SPECC1: variants seen among roughly 807,000 people sequenced by gnomAD.
SPECC1 encodes the protein sperm antigen with calponin homology and coiled-coil domains 1, also known as cytospin-B.
Under a neutral mutation model 104.1 loss-of-function variants are expected in SPECC1, and 62 were observed. That is an observed-to-expected ratio of 0.60 (90% CI 0.49 to 0.74). The LOEUF is 0.74. Among genes scored for constraint, SPECC1 ranks in the 30% least tolerant of loss-of-function variants. SPECC1 has a pLI of 0.00. For synonymous variants in SPECC1, 513 were observed against 501.6 expected (o/e 1.02, Z -0.30); for missense variants, 1,306 against 1,310.5 (o/e 1.00, Z 0.05).
At chr17:20,174,482 G>A (rs189148629) in intron 3 of SPECC1, among the ~76,000 whole-genome samples, 5 of 152,172 alleles carry the variant, frequency 3.3e-5, no homozygotes, top group Admixed American at 2.0e-4. Flanking sequence ...GAGGGAAGCC[G>A]GTTGGGCAGA....
At chr17:20,293,440 C>T (rs907644586) in intron 12 of SPECC1, among the ~76,000 whole-genome samples, 1 of 152,166 alleles carries the variant, frequency 6.6e-6, no homozygotes, top group Non-Finnish European at 1.5e-5. Context: ...GATAGAAACA[C>T]CCTAAATGAC....
intron 3 of SPECC1, among the ~76,000 whole-genome samples, chr17:20,166,300 C>T (rs933477491): frequency 6.6e-6 from 1 of 152,102 alleles, no homozygotes; most frequent in African/African-American, 2.4e-5. Context: ...TTACACAAAC[C>T]ATTTTTTCAA....
chr17:20,250,029 A>G (rs1430895413), intron 9 of SPECC1, among the ~76,000 whole-genome samples: 2 of 152,154 alleles, frequency 1.3e-5, no homozygotes, highest in Non-Finnish European at 2.9e-5. Context: ...TGAAAGAGAA[A>G]GCATCCTAAA....
At chr17:20,281,114 C>G (rs1195036571) in intron 12 of SPECC1, among the ~76,000 whole-genome samples, 1 of 152,124 alleles carries the variant, frequency 6.6e-6, no homozygotes, top group Non-Finnish European at 1.5e-5. Flanking sequence ...CATGGCCGGT[C>G]GGTTCCTGGA....
At chr17:20,253,673 A>G in intron 10 of SPECC1, 87 bp downstream of exon 10, 1 of 1,261,034 alleles carries the variant, frequency 7.9e-7, no homozygotes, top group South Asian at 1.3e-5. Context: ...CTGAGCTTAG[A>G]AAAATAATCA....
At chr17:20,158,734 C>A (rs910570678) in intron 3 of SPECC1, among the ~76,000 whole-genome samples, 4 of 152,168 alleles carry the variant, frequency 2.6e-5, no homozygotes, top group Non-Finnish European at 5.9e-5. Flanking sequence ...GCAGTCCTTG[C>A]AGATGAATGG....
chr17:20,254,234 T>C (rs907619286), intron 10 of SPECC1, among the ~76,000 whole-genome samples: 1 of 150,952 alleles, frequency 6.6e-6, no homozygotes, highest in Non-Finnish European at 1.5e-5. Flanking sequence ...CATTCAGCAG[T>C]CCCAGCAGTC....
intron 3 of SPECC1, among the ~76,000 whole-genome samples, chr17:20,120,300 C>T (rs1164351014): frequency 6.6e-6 from 1 of 151,668 alleles, no homozygotes; most frequent in Non-Finnish European, 1.5e-5. Context: ...GCAGAAGAAT[C>T]TCTTGAACCT....
At chr17:20,306,675 GGA>G (rs937667416) in intron 14 of SPECC1, among the ~76,000 whole-genome samples, 1 of 152,242 alleles carries the variant, frequency 6.6e-6, no homozygotes, top group Non-Finnish European at 1.5e-5. Context: ...GAGAGGAAAA[GGA>G]GAGAGAGAAA....
chr17:20,268,304 A>C (rs1198924363), intron 12 of SPECC1, among the ~76,000 whole-genome samples: 2 of 152,206 alleles, frequency 1.3e-5, no homozygotes, highest in Non-Finnish European at 2.9e-5. Flanking sequence ...TGGAGAAAAA[A>C]AAATCAGTCT....
intron 1 of SPECC1, among the ~76,000 whole-genome samples, chr17:20,071,186 C>G (rs892454005): frequency 6.6e-6 from 1 of 152,136 alleles, no homozygotes; most frequent in Non-Finnish European, 1.5e-5. Flanking sequence ...CTCACACCAA[C>G]TACTGTGCTC....
chr17:20,246,532 C>G (rs1236399286), intron 8 of SPECC1, among the ~76,000 whole-genome samples: 1 of 152,172 alleles, frequency 6.6e-6, no homozygotes, highest in African/African-American at 2.4e-5. Context: ...TCTACCTGGT[C>G]TTGTACGTGA....
intron 3 of SPECC1, among the ~76,000 whole-genome samples, chr17:20,156,845 C>G (rs1406360146): frequency 6.6e-6 from 1 of 152,124 alleles, no homozygotes; most frequent in African/African-American, 2.4e-5. Context: ...GAGTTAGATG[C>G]CGATAAGCAG....
At chr17:20,158,825 C>T (rs930870770) in intron 3 of SPECC1, among the ~76,000 whole-genome samples, 6 of 152,160 alleles carry the variant, frequency 3.9e-5, no homozygotes, top group East Asian at 1.9e-4. Flanking sequence ...GTGCTGTGAT[C>T]ATGGCTCACT....
intron 7 of SPECC1, among the ~76,000 whole-genome samples, chr17:20,244,020 C>A (rs2151531050): frequency 6.6e-6 from 1 of 152,012 alleles, no homozygotes; most frequent in Non-Finnish European, 1.5e-5. Flanking sequence ...AGGTTGAGAC[C>A]AGCCTGGGCA....
chr17:20,279,520 C>T (rs1475241381), intron 12 of SPECC1, among the ~76,000 whole-genome samples: 2 of 151,956 alleles, frequency 1.3e-5, no homozygotes, highest in Non-Finnish European at 2.9e-5. Context: ...AAGGGTTTCT[C>T]CATGTTGGTC....
At chr17:20,119,707 G>A (rs1263270173) in intron 3 of SPECC1, among the ~76,000 whole-genome samples, 4 of 152,202 alleles carry the variant, frequency 2.6e-5, no homozygotes, top group Non-Finnish European at 5.9e-5. Flanking sequence ...GTCTGTTGCA[G>A]GTGTTATCAC....
In SPECC1 at chr17:20,112,853, C is replaced by G. The variant is rs59503680; in HGVS notation, c.283+2291C>G. ...GAACTGTAACCTCAGAGGAGCAACT[C>G]TGGCAGGAACTGATTTAGAGAATTG... On this transcript the variant is annotated intron_variant, in intron 3 of 14. Coordinates refer to ENST00000395527, the MANE Select transcript of SPECC1 (RefSeq NM_001243439.2). The G allele has an allele frequency of 3.1e-6, 5 of 1,591,148 alleles. No individual in the cohort carries two copies. In the Admixed American group the frequency reaches 5.0e-5, roughly 16 times the overall value.
At chr17:20,284,149 C>G (rs538376743) in intron 12 of SPECC1, among the ~76,000 whole-genome samples, 1 of 152,166 alleles carries the variant, frequency 6.6e-6, no homozygotes. Context: ...ACAAGCGATG[C>G]GAGACTAATC....
Sources: gnomAD v4.1 joint callset for allele counts (sites outside exome capture counted in the v4.1 genomes callset) on GRCh38, gnomAD v4.1.1 for gene constraint, MANE v1.5 for transcripts, NCBI Gene and HGNC (gene_info 2026-07-23, HGNC 2026-07-21) for gene names.